The following DSE variants were observed in gnomAD, a reference collection of about 807,000 sequenced individuals.
The protein encoded by DSE is dermatan-sulfate epimerase.
In DSE, 36 loss-of-function variants were observed where a neutral mutation model predicts 84.4. The observed-to-expected ratio is 0.43, with a 90% CI of 0.33 to 0.56. DSE has a LOEUF of 0.56. Ranked by LOEUF, DSE falls within the 20% of genes least tolerant of loss-of-function variation. The pLI is 0.06. For missense variants in DSE, 862 were observed against 1,169.6 expected, an observed-to-expected ratio of 0.74 and a Z score of 3.84; for synonymous variants, 410 against 430.1, an observed-to-expected ratio of 0.95 and a Z score of 0.58.
At chr6:116,417,206 TACTC>T in intron 2 of DSE, among the ~76,000 whole-genome samples, 1 of 152,340 alleles carries the variant, frequency 6.6e-6, no homozygotes, top group East Asian at 1.9e-4. Context: ...AAAGTATACT[TACTC>T]AGTTAAAAGG....
At chr6:116,272,604 C>G (rs1054691137) in intron 2 of DSE, among the ~76,000 whole-genome samples, 1 of 152,036 alleles carries the variant, frequency 6.6e-6, no homozygotes, top group African/African-American at 2.4e-5. Context: ...ATCAATTTGA[C>G]AAAACTGGGA....
intron 2 of DSE, among the ~76,000 whole-genome samples, chr6:116,264,814 T>C (rs1772552214): frequency 6.6e-6 from 1 of 152,196 alleles, no homozygotes; most frequent in Non-Finnish European, 1.5e-5. Flanking sequence ...GCCAACTGGC[T>C]GTGTTTCTGG....
exon 2 of DSE, chr6:116,258,784 A>T: frequency 6.2e-7 from 1 of 1,610,036 alleles, no homozygotes; most frequent in South Asian, 1.1e-5. Flanking sequence ...GTTCACCAGG[A>T]CCTGCAGAGG....
intron 2 of DSE, among the ~76,000 whole-genome samples, chr6:116,422,809 A>G (rs1783178079): frequency 6.6e-6 from 1 of 152,226 alleles, no homozygotes. Context: ...CTTTTGTACC[A>G]TCAGTGCAAA....
chr6:116,274,163 CTT>C (rs1773009054), intron 2 of DSE, among the ~76,000 whole-genome samples: 1 of 152,068 alleles, frequency 6.6e-6, no homozygotes, highest in Non-Finnish European at 1.5e-5. Context: ...ATTGAACTGA[CTT>C]AATGCAGAGC....
At chr6:116,370,927 C>A (rs1779503362), upstream of DSE, 8 of 985,444 alleles carry the variant, frequency 8.1e-6, no homozygotes, top group South Asian at 4.7e-5. Context: ...CACCTACCCG[C>A]CCCCGCCGGC....
chr6:116,377,020 A>G (rs1425191707), intron 1 of DSE, among the ~76,000 whole-genome samples: 2 of 152,234 alleles, frequency 1.3e-5, no homozygotes, highest in African/African-American at 4.8e-5. Context: ...GAACGATAGC[A>G]GAATAATCAT....
intron 1 of DSE, among the ~76,000 whole-genome samples, chr6:116,382,435 A>G (rs890102388): frequency 6.6e-6 from 1 of 152,154 alleles, no homozygotes. Flanking sequence ...ACATTAATGG[A>G]CATTGCCATA....
chr6:116,276,578 T>C (rs1219653752), intron 2 of DSE: 1 of 152,096 alleles, frequency 6.6e-6, no homozygotes, highest in Non-Finnish European at 1.5e-5. Flanking sequence ...AGGACTTTAA[T>C]GATTTTAATC....
At chr6:116,411,177 C>CGT (rs767089145) in intron 2 of DSE, among the ~76,000 whole-genome samples, 5 of 151,466 alleles carry the variant, frequency 3.3e-5, no homozygotes, top group South Asian at 4.2e-4. Context: ...GTGTGTTGTG[C>CGT]GTGTGTGTGT....
At chr6:116,386,136 C>T (rs13203813) in intron 1 of DSE, among the ~76,000 whole-genome samples, 31,551 of 152,202 alleles carry the variant, frequency 0.21, 3,926 homozygotes, top group Middle Eastern at 0.36. Context: ...TTTGCTTCAA[C>T]AGCAACATTC....
At chr6:116,353,933 C>G (rs771020600) in intron 2 of DSE, among the ~76,000 whole-genome samples, 6 of 152,060 alleles carry the variant, frequency 3.9e-5, no homozygotes, top group Non-Finnish European at 7.4e-5. Context: ...TACTGAGACT[C>G]TTAGAAAATA....
rs967174996 is a variant in DSE, at chr6:116,316,555, C to G, written c.-54+57588C>G. On this transcript the variant is annotated intron_variant, in intron 2 of 3. Coordinates refer to the DSE transcript ENST00000430252. ...GTTCCAGTTTTCAATTAATGAACCA[C>G]ATTATACTAGATGAATAAGATTTAA... is the stretch of plus-strand genomic sequence containing the variant. Among the ~76,000 whole-genome samples the G allele has an allele frequency of 6.6e-5, 10 of 151,764 alleles. No individual in the cohort carries two copies. The Admixed American group carries it at 6.6e-4, about 10-fold the overall frequency.
intron 2 of DSE, among the ~76,000 whole-genome samples, chr6:116,331,377 G>A (rs1206653847): frequency 1.3e-5 from 2 of 152,122 alleles, no homozygotes; most frequent in Non-Finnish European, 2.9e-5. Flanking sequence ...TTCTTCACAT[G>A]GTGACAGCAA....
rs1336793746 is a variant in DSE, at chr6:116,370,987, T to A, written c.-188T>A. 6 of 984,964 alleles carry A rather than the reference T, an allele frequency of 6.1e-6. No individual in the cohort carries two copies. The highest frequency in any genetic ancestry group is 7.2e-6 in the Non-Finnish European group (6 of 829,972). 61.0% of individuals were successfully genotyped at this position (984,964 alleles called of 1,614,324 possible). On this transcript the variant is annotated 5_prime_UTR_variant, in exon 1 of 6. The change abolishes an upstream ATG in the 5' untranslated region. Coordinates refer to ENST00000644252, the MANE Select transcript of DSE (RefSeq NM_013352.4). The stretch of plus-strand genomic sequence containing the variant: ...GGCTGCAGCAGCGCATCCCGGGGCA[T>A]GGCGCGGCGGGGGCGCGGAGGGCTC...
chr6:116,280,725 C>T (rs554272178), intron 2 of DSE, among the ~76,000 whole-genome samples: 26 of 152,252 alleles, frequency 1.7e-4, no homozygotes, highest in African/African-American at 6.3e-4. Context: ...AGTTTGTTGA[C>T]TTGTGAGTTA....
chr6:116,336,477 C>T (rs749895546), intron 2 of DSE, among the ~76,000 whole-genome samples: 2 of 152,032 alleles, frequency 1.3e-5, no homozygotes, highest in South Asian at 2.1e-4. Flanking sequence ...AAAAGTAGGC[C>T]GGGCGCAGTG....
chr6:116,434,850 C>G (rs944583090), intron 5 of DSE, among the ~76,000 whole-genome samples: 1 of 152,088 alleles, frequency 6.6e-6, no homozygotes, highest in Non-Finnish European at 1.5e-5. Flanking sequence ...GGGAAAAGTA[C>G]ATAGTGCTAA....
rs1433623098 is a variant in DSE at position 116,439,273 on chromosome 6, CAAGT to C, written c.*1929_*1932del. On this transcript the variant is annotated 3_prime_UTR_variant, in exon 6 of 6. Transcript: ENST00000644252. ...TACTTTCTAACAGAGATGAAAAGTG[CAAGT>C]GAGTGCCAAACTCGCTTTTCTTTTG... The C allele has an allele frequency of 1.3e-5, 2 of 152,166 alleles. No homozygotes were observed. The highest frequency in any genetic ancestry group is 4.8e-5 in the African/African-American group (2 of 41,458). 9.4% of individuals were successfully genotyped at this position (152,166 alleles called of 1,614,324 possible).
Sources: gnomAD v4.1 joint callset for allele counts (sites outside exome capture counted in the v4.1 genomes callset) on GRCh38, gnomAD v4.1.1 for gene constraint, MANE v1.5 for transcripts, NCBI Gene and HGNC (gene_info 2026-07-23, HGNC 2026-07-21) for gene names.